NOP9: variants seen among roughly 807,000 people sequenced by gnomAD.
The protein encoded by NOP9 is NOP9 nucleolar protein, also known as nucleolar protein 9.
Under a neutral mutation model 63.0 loss-of-function variants are expected in NOP9, and 50 were observed. That is an observed-to-expected ratio of 0.79 (90% CI 0.63 to 1.00). The LOEUF (loss-of-function observed/expected upper bound fraction) is 1.00, where lower values mean the gene tolerates loss of function less well. NOP9 is among the 50% of genes least tolerant of loss of function. NOP9 has a pLI of 0.00. For synonymous variants in NOP9, 343 were observed against 332.8 expected (o/e 1.03, Z -0.33); for missense variants, 758 against 803.0 (o/e 0.94, Z 0.68).
At chr14:24,281,506 C>G in the NOP9 span, among the ~76,000 whole-genome samples, 1 of 152,168 alleles carries the variant, frequency 6.6e-6, no homozygotes, top group African/African-American at 2.4e-5. Context: ...AGACCTAATC[C>G]CTAACTTTGG....
Position 24,306,153 on chromosome 14 carries a change from G to C in NOP9, c.*1058G>C. The C allele has an allele frequency of 2.5e-6, 4 of 1,610,174 alleles. No individual in the cohort carries two copies. Among genetic ancestry groups the C allele is most frequent in the Non-Finnish European group, 3.4e-6 (4 of 1,177,552 alleles). On this transcript the variant is annotated 3_prime_UTR_variant, in exon 10 of 10. Coordinates refer to ENST00000267425, the MANE Select transcript of NOP9 (RefSeq NM_174913.3). ...GCACTCCACTCTGTAGGACACCCTTGTCAGTGCAGTAGATCCTCATACCAG... is the reference window on the plus strand; with the variant it reads ...GCACTCCACTCTGTAGGACACCCTTCTCAGTGCAGTAGATCCTCATACCAG...
At position 24,304,968 on chromosome 14, in the gene NOP9, C is replaced by G. The variant is rs2041454181; in HGVS notation, c.1784C>G (p.Pro595Arg). The stretch of plus-strand genomic sequence containing the variant: ...CAGAACCAGGAGCTGATAAGAGACC[C>G]TTTCGGCCACCATGTGGCTCGAAAT... ...GEQNQELIRDPFGHHVARNVA... is the reference protein window; with the variant it reads ...GEQNQELIRDRFGHHVARNVA... The change falls in exon 10 of 10, where the codon CCT becomes CGT. Residue 595 changes from proline to arginine, a missense_variant. Transcript: ENST00000267425. 7 of 1,577,892 alleles carry G rather than the reference C, an allele frequency of 4.4e-6. No individual in the cohort carries two copies. Among genetic ancestry groups the G allele is most frequent in the Non-Finnish European group, 5.2e-6 (6 of 1,163,840 alleles).
In NOP9 at chr14:24,305,685, G is replaced by C. The variant is rs978203743; in HGVS notation, c.*590G>C. ...CTGCCACTGCTCAGCCCCCTCCACT[G>C]CATGACGAAGGGTGGAGGAAATTCC... On this transcript the variant is annotated 3_prime_UTR_variant, in exon 10 of 10. Transcript: ENST00000267425. The C allele has an allele frequency of 1.9e-6, 3 of 1,614,088 alleles. No homozygotes were observed. In the African/African-American group the frequency reaches 4.0e-5, roughly 22 times the overall value.
chr14:24,307,314 G>A lies in NOP9; in HGVS notation c.*2219G>A, dbSNP rs1426713471. On this transcript the variant is annotated 3_prime_UTR_variant, in exon 10 of 10. Coordinates refer to ENST00000267425, the MANE Select transcript of NOP9 (RefSeq NM_174913.3). ...TGCTCCATCATCACAAGTTGCCACT[G>A]TTGTGGAGCCCCTTGGCTACCCCTG... 4 of 1,558,028 alleles carry A rather than the reference G, an allele frequency of 2.6e-6. No homozygotes were observed. Among genetic ancestry groups the A allele is most frequent in the Non-Finnish European group, 3.5e-6 (4 of 1,146,608 alleles).
At chr14:24,299,144 G>T (rs764449798), upstream of NOP9, 75 of 1,593,640 alleles carry the variant, frequency 4.7e-5, 1 homozygote, top group Non-Finnish European at 5.8e-5. Flanking sequence ...TGGAAGCAAA[G>T]ACTTACTCTG....
chr14:24,298,065 T>C (rs1246726692), upstream of NOP9, among the ~76,000 whole-genome samples: 2 of 152,164 alleles, frequency 1.3e-5, no homozygotes, highest in African/African-American at 2.4e-5. Context: ...TTTTTTTTTT[T>C]AGAGACAGGG....
At position 24,301,997 on chromosome 14, in the gene NOP9, C is replaced by T. The variant is rs1482468916; in HGVS notation, c.841C>T (p.Leu281Phe). 1 of 1,613,964 alleles carries T rather than the reference C, an allele frequency of 6.2e-7. No homozygotes were observed. Among genetic ancestry groups the T allele is most frequent in the Non-Finnish European group, 8.5e-7 (1 of 1,179,996 alleles). The change falls in exon 4 of 10, where the codon CTT (leucine) becomes TTT (phenylalanine). Residue 281 changes from leucine to phenylalanine, a missense_variant. Leu to Phe is a conservative substitution (Grantham distance 22, BLOSUM62 0). Coordinates refer to ENST00000267425, the MANE Select transcript of NOP9 (RefSeq NM_174913.3). ...CACTGATAAGATCTCCAGCTTCTGT[C>T]TTCAAGTGGCTTTACAGGTTTTACA... ...FITDKISSFC[L>F]QVALQVLHRK...
At chr14:24,276,869 G>C in the NOP9 span, among the ~76,000 whole-genome samples, 3 of 152,224 alleles carry the variant, frequency 2.0e-5, no homozygotes, top group African/African-American at 7.2e-5. Flanking sequence ...TCACAGATGT[G>C]CAGCTCTGAT....
Position 24,300,732 on chromosome 14 carries a change from G to C in NOP9, c.572G>C (p.Cys191Ser). 2 of 1,614,160 alleles carry C rather than the reference G, an allele frequency of 1.2e-6. No individual in the cohort carries two copies. Among genetic ancestry groups the C allele is most frequent in the Non-Finnish European group, 1.7e-6 (2 of 1,180,040 alleles). Residue 191 changes from cysteine to serine, a missense_variant, in exon 2 of 10, where the codon TGT (cysteine) becomes TCT (serine). By Grantham distance (112) the Cys-to-Ser change is moderately radical (BLOSUM62 -1). Transcript: ENST00000267425. ...ELVLGLAAEV[C>S]DDFLVYCGDT... ...GTCCTGGGACTAGCCGCTGAGGTGT[G>C]TGATGATTTTCTTGTCTACTGTGGA...
upstream of NOP9, among the ~76,000 whole-genome samples, chr14:24,298,475 T>TA (rs1566406549): frequency 7.2e-5 from 11 of 152,322 alleles, no homozygotes; most frequent in South Asian, 2.3e-3. Context: ...AGTAAATAAG[T>TA]AAAAAATGTG....
At chr14:24,291,791 C>A in the NOP9 span, 6 of 688,572 alleles carry the variant, frequency 8.7e-6, no homozygotes, top group African/African-American at 1.8e-5. Context: ...GCCAGAGCCA[C>A]TCCTCCCCAC....
the NOP9 span, among the ~76,000 whole-genome samples, chr14:24,287,410 G>A: frequency 1.3e-5 from 2 of 152,162 alleles, no homozygotes; most frequent in South Asian, 2.1e-4. Flanking sequence ...CTGTTCCCTC[G>A]CATCATGCCA....
At chr14:24,280,610 G>A in the NOP9 span, among the ~76,000 whole-genome samples, 2 of 152,200 alleles carry the variant, frequency 1.3e-5, no homozygotes, top group African/African-American at 2.4e-5. Flanking sequence ...AACAATTATT[G>A]AGCGCCAGTA....
upstream of NOP9, among the ~76,000 whole-genome samples, chr14:24,295,335 C>T (rs1335792993): frequency 1.3e-5 from 2 of 152,184 alleles, no homozygotes; most frequent in East Asian, 1.9e-4. Flanking sequence ...GTAACACACA[C>T]ATAACTTGGT....
the NOP9 span, among the ~76,000 whole-genome samples, chr14:24,272,052 C>T: frequency 3.9e-5 from 6 of 152,138 alleles, no homozygotes; most frequent in South Asian, 4.1e-4. Context: ...GGGCCCTTTC[C>T]TCACCCCTTT....
the NOP9 span, among the ~76,000 whole-genome samples, chr14:24,274,041 G>A: frequency 6.6e-6 from 1 of 152,182 alleles, no homozygotes; most frequent in Non-Finnish European, 1.5e-5. Context: ...GAAAGATTAA[G>A]TAACTTGTTG....
upstream of NOP9, among the ~76,000 whole-genome samples, chr14:24,296,217 G>T (rs2041244793): frequency 6.6e-6 from 1 of 152,232 alleles, no homozygotes; most frequent in African/African-American, 2.4e-5. Context: ...GCGCATTACT[G>T]AGAGGAGGAG....
At chr14:24,274,699 C>T in the NOP9 span, among the ~76,000 whole-genome samples, 2 of 151,612 alleles carry the variant, frequency 1.3e-5, no homozygotes, top group African/African-American at 4.9e-5. Context: ...AGCTCTGCCT[C>T]CCAGGTTCAT....
At chr14:24,293,854 C>T in the NOP9 span, 1 of 152,114 alleles carries the variant, frequency 6.6e-6, no homozygotes, top group East Asian at 1.9e-4. Flanking sequence ...TTAAAATGTA[C>T]AAGACATAAT....
Sources: gnomAD v4.1 joint callset for allele counts (sites outside exome capture counted in the v4.1 genomes callset) on GRCh38, gnomAD v4.1.1 for gene constraint, MANE v1.5 for transcripts, NCBI Gene and HGNC (gene_info 2026-07-23, HGNC 2026-07-21) for gene names.